The following NTRK2 variants were observed in gnomAD, a reference collection of about 807,000 sequenced individuals.
NTRK2 encodes the protein neurotrophic receptor tyrosine kinase 2, also known as BDNF/NT-3 growth factors receptor.
Under a neutral mutation model 94.5 loss-of-function variants are expected in NTRK2, and 13 were observed. The observed-to-expected ratio is 0.14, with a 90% confidence interval of 0.09 to 0.22. The LOEUF (loss-of-function observed/expected upper bound fraction) is 0.22. Among genes scored for constraint, NTRK2 ranks in the 10% least tolerant of loss-of-function variants. The pLI is 1.00. For synonymous variants in NTRK2, 372 were observed against 407.4 expected (o/e 0.91, Z 1.05); for missense variants, 639 against 1,071.2 (o/e 0.60, Z 5.63).
intron 12 of NTRK2, among the ~76,000 whole-genome samples, chr9:84,855,570 A>C (rs2075023822): frequency 6.7e-6 from 1 of 149,958 alleles, no homozygotes; most frequent in African/African-American, 2.5e-5. Context: ...AGTTAATAAA[A>C]CCTCAAGCAT....
intron 17 of NTRK2, among the ~76,000 whole-genome samples, chr9:84,980,501 A>G (rs111319457): frequency 9.8e-5 from 15 of 152,358 alleles, no homozygotes; most frequent in African/African-American, 2.9e-4. Context: ...AACATTACTA[A>G]CTACTAATCC....
intron 13 of NTRK2, among the ~76,000 whole-genome samples, chr9:84,865,383 T>C (rs1417928479): frequency 6.6e-6 from 1 of 152,214 alleles, no homozygotes; most frequent in Non-Finnish European, 1.5e-5. Flanking sequence ...GTCTCCTGCA[T>C]AGTTTGTTTA....
At chr9:84,912,010 G>T (rs1299245646) in intron 14 of NTRK2, among the ~76,000 whole-genome samples, 1 of 152,002 alleles carries the variant, frequency 6.6e-6, no homozygotes, top group African/African-American at 2.4e-5. Context: ...TTTGACCCAA[G>T]GATTATTTAA....
At chr9:84,694,161 C>T (rs2060219166) in intron 2 of NTRK2, among the ~76,000 whole-genome samples, 1 of 152,144 alleles carries the variant, frequency 6.6e-6, no homozygotes, top group East Asian at 1.9e-4. Flanking sequence ...GCAGGTACAT[C>T]TGGGTTCAAA....
intron 12 of NTRK2, among the ~76,000 whole-genome samples, chr9:84,817,048 A>G (rs1295337987): frequency 6.6e-6 from 1 of 152,170 alleles, no homozygotes; most frequent in East Asian, 1.9e-4. Context: ...GATGATGGTA[A>G]TAAGAATAGT....
intron 12 of NTRK2, among the ~76,000 whole-genome samples, chr9:84,804,348 C>T (rs900522264): frequency 2.6e-5 from 4 of 152,140 alleles, no homozygotes; most frequent in South Asian, 2.1e-4. Context: ...CAATCATTAT[C>T]GTCATCCTCA....
rs147069315 is a variant in NTRK2, at chr9:84,689,092, C to T, written c.213-13067C>T. Among the ~76,000 whole-genome samples, 142 of 152,326 alleles carry T rather than the reference C, an allele frequency of 9.3e-4. 1 individual carries two copies. The highest frequency in any genetic ancestry group is 3.0e-3 in the African/African-American group (124 of 41,580). On this transcript the variant is annotated intron_variant, in intron 2 of 18. Transcript: ENST00000277120. ...TTATAGCAGTGCCTGACACACAGTT[C>T]GCACTCTGCTGTTAGCTTATATGTG...
chr9:84,883,154 T>C (rs1487359059), intron 14 of NTRK2, among the ~76,000 whole-genome samples: 1 of 152,210 alleles, frequency 6.6e-6, no homozygotes, highest in African/African-American at 2.4e-5. Flanking sequence ...CCAAATAATC[T>C]GCATTGTTAA....
At chr9:84,755,882 C>T (rs565105953) in intron 12 of NTRK2, among the ~76,000 whole-genome samples, 21 of 152,164 alleles carry the variant, frequency 1.4e-4, no homozygotes, top group East Asian at 1.4e-3. Context: ...AATAGGCTCC[C>T]GGCCCTGTTT....
intron 14 of NTRK2, chr9:84,877,229 C>T (rs1204546112): frequency 3.8e-6 from 4 of 1,065,214 alleles, no homozygotes; most frequent in African/African-American, 1.6e-5. Context: ...TAGTTCTTGG[C>T]GTTAACATCT....
At chr9:84,831,196 A>T (rs2073525747) in intron 12 of NTRK2, among the ~76,000 whole-genome samples, 1 of 152,194 alleles carries the variant, frequency 6.6e-6, no homozygotes, top group African/African-American at 2.4e-5. Context: ...ATTGATTTCC[A>T]GATATAACAT....
rs866886988 is a variant in NTRK2, at chr9:85,025,406, A to T, written c.*3969A>T. On this transcript the variant is annotated 3_prime_UTR_variant, in exon 19 of 19. Transcript: ENST00000277120. ...ATATAAATTGGAATGTTGGCAGCCC[A>T]GTGGCTTGAAGGCCAATGATGAGCA... The T allele has an allele frequency of 8.6e-6, 2 of 233,284 alleles. No homozygotes were observed. Among genetic ancestry groups the T allele is most frequent in the East Asian group, 1.2e-4 (2 of 16,600 alleles). The allele number at this position is 233,284 out of a possible 1,614,324, so 14.5% of individuals were successfully genotyped here.
chr9:84,874,172 C>A, intron 14 of NTRK2: 2 of 1,065,084 alleles, frequency 1.9e-6, no homozygotes, highest in Non-Finnish European at 2.3e-6. Flanking sequence ...CTTGCATGTG[C>A]TAGTAGATTG....
chr9:84,784,918 A>C (rs1410598179), intron 12 of NTRK2, among the ~76,000 whole-genome samples: 1 of 152,198 alleles, frequency 6.6e-6, no homozygotes, highest in Non-Finnish European at 1.5e-5. Context: ...TTATATCCTT[A>C]GTGAGTGTTT....
intron 17 of NTRK2, among the ~76,000 whole-genome samples, chr9:85,019,545 C>T (rs376498176): frequency 6.6e-6 from 1 of 152,132 alleles, no homozygotes; most frequent in African/African-American, 2.4e-5. Context: ...TTAAAATGGG[C>T]ATTTAAAAAA....
At chr9:84,874,494 A>AT (rs1405092807) in intron 14 of NTRK2, 2 of 1,065,694 alleles carry the variant, frequency 1.9e-6, no homozygotes, top group Admixed American at 5.3e-5. Flanking sequence ...GGGAGCTGTG[A>AT]TGCTGCTCTG....
Position 84,861,809 on chromosome 9 carries a change from C to T in NTRK2, c.1444+722C>T, listed in dbSNP as rs762824643. Among the ~76,000 whole-genome samples, 8 of 152,024 alleles carry T rather than the reference C, an allele frequency of 5.3e-5. No individual in the cohort carries two copies. In the South Asian group the frequency reaches 1.0e-3, roughly 20 times the overall value. On this transcript the variant is annotated intron_variant, in intron 13 of 18. Transcript: ENST00000277120. ...ATCTTTCATGTGGGTTTCCAAGATCCGACCATCTTGGGCATCTGTTGGTTA... is the reference window on the plus strand; with the variant it reads ...ATCTTTCATGTGGGTTTCCAAGATCTGACCATCTTGGGCATCTGTTGGTTA...
intron 12 of NTRK2, among the ~76,000 whole-genome samples, chr9:84,846,343 C>T (rs1378219340): frequency 6.6e-6 from 1 of 152,228 alleles, no homozygotes; most frequent in East Asian, 1.9e-4. Flanking sequence ...CAATAGAATG[C>T]AGTTTTCCAA....
rs1315653047 is a variant in NTRK2, at chr9:84,810,882, C to G, written c.1397-50158C>G. 9 of 1,254,256 alleles carry G rather than the reference C, an allele frequency of 7.2e-6. No homozygotes were observed. In the Admixed American group the frequency reaches 3.0e-4, roughly 42 times the overall value. 77.7% of individuals were successfully genotyped at this position (1,254,256 alleles called of 1,614,324 possible). A position where few individuals can be genotyped will look rare whatever the true frequency, so the allele number is the denominator to read the frequency against. ...TTCAAATACAAAACTGAAATGAAAT[C>G]CCATTGGATTGTACTTCTCTTCTGA... On this transcript the variant is annotated intron_variant, in intron 12 of 18. Transcript: ENST00000277120.
Sources: gnomAD v4.1 joint callset for allele counts (sites outside exome capture counted in the v4.1 genomes callset) on GRCh38, gnomAD v4.1.1 for gene constraint, MANE v1.5 for transcripts, NCBI Gene and HGNC (gene_info 2026-07-23, HGNC 2026-07-21) for gene names.